The following DSE variants were observed in gnomAD, a reference collection of about 807,000 sequenced individuals.
DSE encodes the protein dermatan-sulfate epimerase.
In DSE, 36 loss-of-function variants were observed where a neutral mutation model predicts 84.4. The ratio of observed to expected loss-of-function variants is 0.43; its 90% confidence interval spans 0.33 to 0.56. The LOEUF (loss-of-function observed/expected upper bound fraction) is 0.56. DSE is among the 20% of genes least tolerant of loss of function. The pLI is 0.06. For missense variants in DSE, 862 were observed against 1,169.6 expected (o/e 0.74, Z 3.84); for synonymous variants, 410 against 430.1 (o/e 0.95, Z 0.58).
At chr6:116,420,768 GAAA>G (rs1783020383) in intron 2 of DSE, among the ~76,000 whole-genome samples, 1 of 152,084 alleles carries the variant, frequency 6.6e-6, no homozygotes, top group Non-Finnish European at 1.5e-5. Context: ...AAAACTATAT[GAAA>G]ATTTTAAAAA....
intron 2 of DSE, among the ~76,000 whole-genome samples, chr6:116,417,119 G>T (rs1782765307): frequency 6.6e-6 from 1 of 152,040 alleles, no homozygotes; most frequent in Non-Finnish European, 1.5e-5. Context: ...CCAAAATAGA[G>T]GTCTTGTTCC....
chr6:116,363,277 TTG>T (rs965207823), intron 2 of DSE, among the ~76,000 whole-genome samples: 11 of 148,238 alleles, frequency 7.4e-5, no homozygotes, highest in East Asian at 1.9e-4. Flanking sequence ...ATGTGTGTGC[TTG>T]TGTGTGTGTG....
chr6:116,258,737 G>A lies in DSE; in HGVS notation c.-284G>A, dbSNP rs764437693. 2.1e-5 allele frequency: 34 copies of A among 1,608,568 alleles called. No homozygotes were observed. The highest frequency in any genetic ancestry group is 8.3e-5 in the Admixed American group (5 of 59,990). ...CTCACAGTCCCGGCGCACCCAATGC[G>A]TGTGGAGTCCTCCCGGGGACCACTG... is the stretch of plus-strand genomic sequence containing the variant. On this transcript the variant is annotated 5_prime_UTR_variant, in exon 2 of 4. Transcript: ENST00000430252.
chr6:116,292,933 G>C (rs1239517896), intron 2 of DSE, among the ~76,000 whole-genome samples: 1 of 152,158 alleles, frequency 6.6e-6, no homozygotes, highest in South Asian at 2.1e-4. Flanking sequence ...GAAAGGATGT[G>C]TACCCAGTTG....
chr6:116,256,197 G>C (rs1037525451), intron 1 of DSE: 4 of 152,118 alleles, frequency 2.6e-5, no homozygotes, highest in African/African-American at 9.7e-5. Flanking sequence ...TCTGATTTCT[G>C]TATAGCCCTT....
At chr6:116,306,186 A>C (rs4401698) in intron 2 of DSE, among the ~76,000 whole-genome samples, 148,865 of 152,258 alleles carry the variant, frequency 0.98, 72,874 homozygotes, top group East Asian at 1. Flanking sequence ...AAAAACTACA[A>C]AGAAGTTCTT....
chr6:116,382,909 A>G (rs1351245311), intron 1 of DSE, among the ~76,000 whole-genome samples: 1 of 152,218 alleles, frequency 6.6e-6, no homozygotes, highest in East Asian at 1.9e-4. Context: ...GTGAAGGTTT[A>G]AAAGAGTATA....
Position 116,263,849 on chromosome 6 carries a change from T to C in DSE, c.-54+4882T>C, listed in dbSNP as rs982830842. Among the ~76,000 whole-genome samples, 11 of 152,328 alleles carry C rather than the reference T, an allele frequency of 7.2e-5. No homozygotes were observed. The South Asian group carries it at 1.7e-3, about 23-fold the overall frequency. ...TCTGAAAAGGATCTTATTTATCCTT[T>C]GCTTATGATGCTTAGTTTGGCTGGA... On this transcript the variant is annotated intron_variant, in intron 2 of 3. Transcript: ENST00000430252.
At chr6:116,375,603 G>A (rs924386924) in intron 1 of DSE, 22 of 960,964 alleles carry the variant, frequency 2.3e-5, no homozygotes, top group Non-Finnish European at 2.7e-5. Context: ...AGAGTGGCTT[G>A]ATTAGTTGAT....
intron 2 of DSE, among the ~76,000 whole-genome samples, chr6:116,332,118 C>T (rs527291398): frequency 1.3e-5 from 2 of 152,240 alleles, no homozygotes; most frequent in Non-Finnish European, 2.9e-5. Flanking sequence ...TTAAAAATTT[C>T]ATTTCTATGA....
chr6:116,400,434 T>A (rs1026425079), intron 2 of DSE: 8 of 152,188 alleles, frequency 5.3e-5, no homozygotes, highest in Non-Finnish European at 1.2e-4. Context: ...TTGATGAAAT[T>A]TTTTTAAAAA....
chr6:116,325,260 C>A (rs1776552746), intron 2 of DSE, among the ~76,000 whole-genome samples: 1 of 152,240 alleles, frequency 6.6e-6, no homozygotes, highest in South Asian at 2.1e-4. Flanking sequence ...CAAGACCTCA[C>A]TTTCAGATGT....
upstream of DSE, chr6:116,370,375 A>T (rs1554218856): frequency 1.7e-5 from 12 of 720,136 alleles, no homozygotes; most frequent in South Asian, 6.1e-5. Flanking sequence ...TCTATAGGTG[A>T]CCCCCGCCCC....
intron 2 of DSE, among the ~76,000 whole-genome samples, chr6:116,357,518 C>T (rs995650446): frequency 4.4e-4 from 62 of 141,218 alleles, no homozygotes; most frequent in Non-Finnish European, 6.8e-4. Flanking sequence ...GGTGACAGAG[C>T]GAGACTCCAT....
At chr6:116,420,223 T>C (rs185674799) in intron 2 of DSE, among the ~76,000 whole-genome samples, 58 of 152,298 alleles carry the variant, frequency 3.8e-4, no homozygotes, top group Non-Finnish European at 6.6e-4. Context: ...TTTAGCAGTA[T>C]TTGTGTAAAT....
At chr6:116,405,666 AT>A in intron 2 of DSE, among the ~76,000 whole-genome samples, 1 of 152,336 alleles carries the variant, frequency 6.6e-6, no homozygotes, top group South Asian at 2.1e-4. Flanking sequence ...ATTATTTAAA[AT>A]TTACAGAAAC....
chr6:116,381,606 A>G (rs1168285217), intron 1 of DSE, among the ~76,000 whole-genome samples: 1 of 152,190 alleles, frequency 6.6e-6, no homozygotes. Context: ...GAAGATACAA[A>G]TTATACAAGT....
intron 2 of DSE, among the ~76,000 whole-genome samples, chr6:116,266,905 A>G (rs1772651616): frequency 6.6e-6 from 1 of 152,244 alleles, no homozygotes; most frequent in South Asian, 2.1e-4. Flanking sequence ...ATGATGTTTC[A>G]TCAAATGATG....
At position 116,441,315 on chromosome 6, in the gene DSE, T is replaced by A. The variant is rs1470028510; in HGVS notation, c.*3970T>A. 1 of 152,246 alleles carries A rather than the reference T, an allele frequency of 6.6e-6. No individual in the cohort carries two copies. Among genetic ancestry groups the A allele is most frequent in the South Asian group, 2.1e-4 (1 of 4,834 alleles). 9.4% of individuals were successfully genotyped at this position (152,246 alleles called of 1,614,324 possible). ...TTCCCTCTTGGTTTTGGGATTTTTT[T>A]AATTGAAGTTTTATTTGGCATAAAT... On this transcript the variant is annotated 3_prime_UTR_variant, in exon 6 of 6. Transcript: ENST00000644252.
Sources: gnomAD v4.1 joint callset for allele counts (sites outside exome capture counted in the v4.1 genomes callset) on GRCh38, gnomAD v4.1.1 for gene constraint, MANE v1.5 for transcripts, NCBI Gene and HGNC (gene_info 2026-07-23, HGNC 2026-07-21) for gene names.